EYA1: variants seen among roughly 807,000 people sequenced by gnomAD.
EYA1 encodes EYA transcriptional coactivator and phosphatase 1.
Under a neutral mutation model 82.0 loss-of-function variants are expected in EYA1, and 16 were observed. The ratio of observed to expected loss-of-function variants is 0.20; its 90% CI spans 0.13 to 0.30. EYA1 has a LOEUF of 0.30. EYA1 is among the 10% of genes least tolerant of loss of function. The pLI is 1.00. For synonymous variants in EYA1, 261 were observed against 264.4 expected (o/e 0.99, Z 0.12); for missense variants, 633 against 730.7 (o/e 0.87, Z 1.54).
At chr8:71,482,731 T>C (rs1237391780) in intron 2 of EYA1, among the ~76,000 whole-genome samples, 1 of 152,118 alleles carries the variant, frequency 6.6e-6, no homozygotes, top group Non-Finnish European at 1.5e-5. Flanking sequence ...CACGATAACA[T>C]AGACAAAACT....
At chr8:71,248,589 G>A (rs543051592) in intron 11 of EYA1, among the ~76,000 whole-genome samples, 59 of 152,274 alleles carry the variant, frequency 3.9e-4, no homozygotes, top group African/African-American at 1.3e-3. Flanking sequence ...TGATTTGTGC[G>A]TGATGACCCA....
intron 2 of EYA1, among the ~76,000 whole-genome samples, chr8:71,406,833 A>G (rs1490008598): frequency 6.9e-6 from 1 of 144,734 alleles, no homozygotes; most frequent in Non-Finnish European, 1.5e-5. Context: ...GCTTAGGTAA[A>G]CAAAGCAGCC....
chr8:71,252,080 C>A (rs1813814530), intron 11 of EYA1, among the ~76,000 whole-genome samples: 1 of 151,610 alleles, frequency 6.6e-6, no homozygotes, highest in African/African-American at 2.4e-5. Context: ...GGGATATTTC[C>A]TCTTGGGGCC....
At chr8:71,520,194 G>A (rs1368045299) in intron 2 of EYA1, among the ~76,000 whole-genome samples, 1 of 151,966 alleles carries the variant, frequency 6.6e-6, no homozygotes, top group African/African-American at 2.4e-5. Context: ...TTACATTACA[G>A]ATACAAACCC....
rs1826240013 is a variant in EYA1 at position 71,350,889 on chromosome 8, A to G, written c.124+3893T>C. Among the ~76,000 whole-genome samples the G allele has an allele frequency of 2.0e-5, 3 of 152,174 alleles. No homozygotes were observed. In the South Asian group the frequency reaches 6.2e-4, roughly 31 times the overall value. The stretch of plus-strand genomic sequence containing the variant: ...GCTTTGCAAACAAGGCCTTAATTAC[A>G]TACGTAAATAAAAATCCTTTTAGGG... On this transcript the variant is annotated intron_variant, in intron 3 of 17. Transcript: ENST00000340726.
chr8:71,253,069 G>T (rs899774382), intron 11 of EYA1, among the ~76,000 whole-genome samples: 1 of 152,132 alleles, frequency 6.6e-6, no homozygotes, highest in Non-Finnish European at 1.5e-5. Context: ...AAATTTTTCA[G>T]TGATCATAAA....
chr8:71,275,005 T>TA (rs1170472657), intron 9 of EYA1, among the ~76,000 whole-genome samples: 1 of 149,642 alleles, frequency 6.7e-6, no homozygotes, highest in African/African-American at 2.5e-5. Context: ...GAAATGAAAA[T>TA]AAAAATCCAA....
intron 12 of EYA1, among the ~76,000 whole-genome samples, chr8:71,232,255 C>T (rs1400054903): frequency 1.3e-5 from 2 of 152,216 alleles, no homozygotes; most frequent in South Asian, 2.1e-4. Flanking sequence ...CTGCCCCCTG[C>T]CTCCTACTTC....
At chr8:71,308,405 G>C (rs1028706784) in intron 7 of EYA1, among the ~76,000 whole-genome samples, 3 of 152,072 alleles carry the variant, frequency 2.0e-5, no homozygotes, top group Admixed American at 6.5e-5. Context: ...ATTTTGCTTT[G>C]CTTTCTTCTT....
intron 2 of EYA1, among the ~76,000 whole-genome samples, chr8:71,416,512 G>GA (rs1830860708): frequency 6.6e-6 from 1 of 151,966 alleles, no homozygotes; most frequent in African/African-American, 2.4e-5. Context: ...AAAATAAGAG[G>GA]AAAAAAATGA....
At chr8:71,478,959 A>G (rs996444420) in intron 2 of EYA1, among the ~76,000 whole-genome samples, 3 of 152,192 alleles carry the variant, frequency 2.0e-5, no homozygotes, top group Non-Finnish European at 4.4e-5. Flanking sequence ...CTTGTGTAAC[A>G]TTCTTTGTGG....
chr8:71,244,473 T>G (rs1433820948), intron 12 of EYA1, 130 bp downstream of exon 12: 2 of 610,428 alleles, frequency 3.3e-6, no homozygotes. Context: ...CAAAACACAT[T>G]GCCATATTAC....
At chr8:71,369,056 AG>A (rs1377418190) in intron 2 of EYA1, among the ~76,000 whole-genome samples, 5 of 138,400 alleles carry the variant, frequency 3.6e-5, no homozygotes, top group African/African-American at 1.4e-4. Flanking sequence ...AAAAAAAAAT[AG>A]CTGGACGTGG....
In EYA1 at chr8:71,445,619, A is replaced by G. The variant is rs574826854; in HGVS notation, c.34-89108T>C. The stretch of plus-strand genomic sequence containing the variant: ...GACTTTGATTTGTGTTGTCTTCACA[A>G]ATCATTCCAAACTTTTTTGTTTTGT... On this transcript the variant is annotated intron_variant, in intron 2 of 18. Transcript: ENST00000643681. Among the ~76,000 whole-genome samples the G allele has an allele frequency of 4.6e-5, 7 of 152,242 alleles. 1 individual carries two copies. The South Asian group carries it at 1.0e-3, about 23-fold the overall frequency.
intron 3 of EYA1, among the ~76,000 whole-genome samples, chr8:71,339,482 G>C (rs1401280954): frequency 6.6e-6 from 1 of 151,960 alleles, no homozygotes; most frequent in Non-Finnish European, 1.5e-5. Context: ...CTTGACAACT[G>C]TCTGAAACTG....
At chr8:71,360,535 T>A (rs2129077188) in intron 1 of EYA1, among the ~76,000 whole-genome samples, 1 of 152,274 alleles carries the variant, frequency 6.6e-6, no homozygotes, top group South Asian at 2.1e-4. Context: ...GTTCAAAGAT[T>A]GAAAATCCAT....
chr8:71,216,978 C>T lies in EYA1; in HGVS notation c.1186G>A (p.Gly396Arg), dbSNP rs727503047. The T allele has an allele frequency of 1.9e-5, 30 of 1,613,604 alleles. No homozygotes were observed. The highest frequency in any genetic ancestry group is 1.6e-4 in the Middle Eastern group (1 of 6,062). Residue 396 changes from glycine to arginine, a missense_variant, in exon 13 of 18, where the codon GGA becomes AGA. Transcript: ENST00000340726. ...HIDDVSSDDN[G>R]QDLSTYNFGT... ...AAGGGTGCTCACCTTAGGTCCTGTC[C>T]GTTATCATCTGAAGAAACATCATCT... is the stretch of plus-strand genomic sequence containing the variant.
intron 9 of EYA1, among the ~76,000 whole-genome samples, chr8:71,298,357 G>A (rs925455172): frequency 1.3e-5 from 2 of 152,164 alleles, no homozygotes; most frequent in Admixed American, 1.3e-4. Context: ...AAGGAGGTGA[G>A]AAGTATGTGA....
chr8:71,220,274 ATG>A (rs1809728701), intron 12 of EYA1, among the ~76,000 whole-genome samples: 1 of 152,230 alleles, frequency 6.6e-6, no homozygotes, highest in Admixed American at 6.5e-5. Context: ...GACCAAAATT[ATG>A]TGATAGACTT....
Sources: gnomAD v4.1 joint callset for allele counts (sites outside exome capture counted in the v4.1 genomes callset) on GRCh38, gnomAD v4.1.1 for gene constraint, MANE v1.5 for transcripts, NCBI Gene and HGNC (gene_info 2026-07-23, HGNC 2026-07-21) for gene names.